The following PCDH15 variants were observed in gnomAD, a reference collection of about 807,000 sequenced individuals.
PCDH15 encodes protocadherin-15.
PCDH15 carries 129 observed loss-of-function variants against 178.5 expected under a neutral mutation model. The observed-to-expected ratio is 0.72, with a 90% CI of 0.63 to 0.84. The LOEUF is 0.84. Among genes scored for constraint, PCDH15 ranks in the 40% least tolerant of loss-of-function variants. The pLI, the probability that PCDH15 is intolerant of heterozygous loss-of-function variation, is 0.00. For synonymous variants in PCDH15, 800 were observed against 732.0 expected, an observed-to-expected ratio of 1.09 and a Z score of -1.50; for missense variants, 2,230 against 2,099.9, an observed-to-expected ratio of 1.06 and a Z score of -1.21.
At chr10:55,503,878 A>G (rs775729737) in intron 2 of PCDH15, among the ~76,000 whole-genome samples, 1 of 151,410 alleles carries the variant, frequency 6.6e-6, no homozygotes, top group Non-Finnish European at 1.5e-5. Flanking sequence ...TTTTTACTGT[A>G]TGATTCCGCG....
intron 5 of PCDH15, among the ~76,000 whole-genome samples, chr10:54,346,903 T>C (rs545106827): frequency 2.0e-5 from 3 of 152,310 alleles, no homozygotes; most frequent in African/African-American, 7.2e-5. Flanking sequence ...AAATCCAGGC[T>C]GATGATTATA....
At chr10:54,551,131 G>C (rs2086534823) in intron 2 of PCDH15, among the ~76,000 whole-genome samples, 1 of 122,276 alleles carries the variant, frequency 8.2e-6, no homozygotes, top group African/African-American at 3.1e-5. Context: ...CTACAGCCTG[G>C]GCTACAGGCT....
chr10:54,077,349 T>G (rs182845199), intron 17 of PCDH15, among the ~76,000 whole-genome samples: 5 of 152,308 alleles, frequency 3.3e-5, no homozygotes, highest in South Asian at 2.1e-4. Context: ...CTACTGATTT[T>G]AGCCCAGAAC....
intron 3 of PCDH15, among the ~76,000 whole-genome samples, chr10:54,482,924 A>G (rs12269002): frequency 0.014 from 2,159 of 151,930 alleles, 48 homozygotes; most frequent in African/African-American, 0.05. Context: ...GTAAAATATT[A>G]ATTTCTAGGC....
At chr10:54,733,960 T>C (rs980086176) in intron 1 of PCDH15, among the ~76,000 whole-genome samples, 1 of 150,182 alleles carries the variant, frequency 6.7e-6, no homozygotes, top group South Asian at 2.1e-4. Context: ...GATATAGATA[T>C]AATATAGAAT....
intron 10 of PCDH15, among the ~76,000 whole-genome samples, chr10:54,204,930 A>G (rs1335150518): frequency 6.6e-6 from 1 of 152,186 alleles, no homozygotes; most frequent in Non-Finnish European, 1.5e-5. Flanking sequence ...GGTAATTGTT[A>G]AAGCAAATTC....
At chr10:55,336,856 C>A (rs1844409564) in intron 2 of PCDH15, among the ~76,000 whole-genome samples, 1 of 152,144 alleles carries the variant, frequency 6.6e-6, no homozygotes, top group African/African-American at 2.4e-5. Context: ...GTAGGCTTTT[C>A]TCTTGTTAAT....
chr10:55,091,639 T>C (rs1360259446), intron 2 of PCDH15, among the ~76,000 whole-genome samples: 1 of 151,944 alleles, frequency 6.6e-6, no homozygotes, highest in Non-Finnish European at 1.5e-5. Flanking sequence ...TAACTATCAT[T>C]TAAATATGAG....
intron 3 of PCDH15, among the ~76,000 whole-genome samples, chr10:54,895,080 G>C (rs962590226): frequency 1.3e-5 from 2 of 152,006 alleles, no homozygotes; most frequent in Non-Finnish European, 2.9e-5. Context: ...TTAAATATGG[G>C]ACACACATAA....
At chr10:53,959,265 T>C (rs185894771) in intron 23 of PCDH15, among the ~76,000 whole-genome samples, 312 of 146,012 alleles carry the variant, frequency 2.1e-3, no homozygotes, top group African/African-American at 7.4e-3. Context: ...TATATATATA[T>C]ACACACTATA....
At chr10:54,062,419 T>A (rs959039443) in intron 18 of PCDH15, among the ~76,000 whole-genome samples, 1 of 151,906 alleles carries the variant, frequency 6.6e-6, no homozygotes. Context: ...TGATGACAAT[T>A]AAAATTAAAT....
At chr10:55,010,152 T>C (rs1472482375) in intron 2 of PCDH15, among the ~76,000 whole-genome samples, 1 of 152,104 alleles carries the variant, frequency 6.6e-6, no homozygotes, top group Non-Finnish European at 1.5e-5. Flanking sequence ...AAACCCATTA[T>C]GCACCAGCAA....
chr10:55,063,694 T>C (rs944461225), intron 2 of PCDH15, among the ~76,000 whole-genome samples: 3 of 152,192 alleles, frequency 2.0e-5, no homozygotes, highest in African/African-American at 4.8e-5. Flanking sequence ...ATAAACATTA[T>C]AAATCACATT....
At chr10:54,871,967 A>C (rs941826031) in intron 3 of PCDH15, among the ~76,000 whole-genome samples, 1 of 152,116 alleles carries the variant, frequency 6.6e-6, no homozygotes, top group South Asian at 2.1e-4. Context: ...AAATAAGATT[A>C]AACAAGGTGT....
At chr10:54,166,517 C>T (rs1312319371) in intron 13 of PCDH15, among the ~76,000 whole-genome samples, 54 of 152,078 alleles carry the variant, frequency 3.6e-4, no homozygotes, top group Non-Finnish European at 5.9e-5. Flanking sequence ...TTGTTTGTTT[C>T]CTTTGCCAAA....
At chr10:55,062,862 C>T (rs1222959143) in intron 2 of PCDH15, among the ~76,000 whole-genome samples, 5 of 152,180 alleles carry the variant, frequency 3.3e-5, no homozygotes, top group South Asian at 4.1e-4. Flanking sequence ...AATCTCTGTA[C>T]CTTCCTCTCA....
intron 15 of PCDH15, among the ~76,000 whole-genome samples, chr10:54,120,248 A>C (rs11498090): frequency 0.029 from 4,451 of 152,288 alleles, 234 homozygotes; most frequent in African/African-American, 0.1. Flanking sequence ...GAAAGCCTTC[A>C]AAGAAATCCT....
chr10:53,982,548 T>C (rs959054654), intron 21 of PCDH15, among the ~76,000 whole-genome samples: 2 of 151,646 alleles, frequency 1.3e-5, no homozygotes, highest in African/African-American at 4.8e-5. Flanking sequence ...GAAACCATCA[T>C]TTTCAGCAAA....
At chr10:55,124,210 A>C (rs1480153036) in intron 2 of PCDH15, among the ~76,000 whole-genome samples, 1 of 152,154 alleles carries the variant, frequency 6.6e-6, no homozygotes, top group Non-Finnish European at 1.5e-5. Context: ...TAGATGCTTT[A>C]TATTCTGTCA....
Sources: allele counts gnomAD v4.1 joint callset (sites outside exome capture counted in the v4.1 genomes callset), GRCh38; gene constraint gnomAD v4.1.1; transcripts MANE v1.5; gene names NCBI Gene and HGNC (gene_info 2026-07-23, HGNC 2026-07-21).